Variants in SHTN1 observed in about 807,000 individuals in gnomAD.
SHTN1 encodes shootin-1.
In SHTN1, 42 loss-of-function variants were observed where a neutral mutation model predicts 83.1. The ratio of observed to expected loss-of-function variants is 0.51; its 90% CI spans 0.39 to 0.65. The LOEUF (loss-of-function observed/expected upper bound fraction) is 0.65. SHTN1 is among the 30% of genes least tolerant of loss of function. The pLI is 0.00. For missense variants in SHTN1, 622 were observed against 737.8 expected, an observed-to-expected ratio of 0.84 and a Z score of 1.82; for synonymous variants, 224 against 247.7, an observed-to-expected ratio of 0.90 and a Z score of 0.90.
intron 1 of SHTN1, among the ~76,000 whole-genome samples, chr10:116,979,953 AC>A (rs1367512588): frequency 6.6e-6 from 1 of 152,166 alleles, no homozygotes; most frequent in Non-Finnish European, 1.5e-5. Flanking sequence ...GTCAGTCACG[AC>A]CAGAAATTCA....
intron 1 of SHTN1, among the ~76,000 whole-genome samples, chr10:117,000,777 A>C (rs1272236920): frequency 6.6e-6 from 1 of 152,174 alleles, no homozygotes; most frequent in Non-Finnish European, 1.5e-5. Context: ...TCCCGTGGCC[A>C]AAGTATTTGA....
intron 12 of SHTN1, 71 bp downstream of exon 12, chr10:116,921,363 C>T: frequency 9.1e-7 from 1 of 1,098,674 alleles, no homozygotes; most frequent in South Asian, 1.4e-5. Context: ...AGTCAAAGAA[C>T]TTAACAAATA....
At chr10:116,918,311 A>G (rs1401871342) in intron 12 of SHTN1, among the ~76,000 whole-genome samples, 3 of 151,754 alleles carry the variant, frequency 2.0e-5, no homozygotes, top group Non-Finnish European at 4.4e-5. Context: ...CACTTGAAAA[A>G]TAAGTTAGTT....
intron 14 of SHTN1, among the ~76,000 whole-genome samples, chr10:116,911,063 C>T (rs1350215369): frequency 1.3e-5 from 2 of 152,200 alleles, no homozygotes; most frequent in Non-Finnish European, 2.9e-5. Flanking sequence ...TGTTGACTTA[C>T]TGTGCATAAT....
chr10:117,100,468 G>T (rs541716174), intron 1 of SHTN1, among the ~76,000 whole-genome samples: 1 of 152,090 alleles, frequency 6.6e-6, no homozygotes. Context: ...ATGTTTTCTT[G>T]CCATTCCTTT....
At chr10:116,959,235 G>T (rs528555162) in intron 4 of SHTN1, among the ~76,000 whole-genome samples, 24 of 152,282 alleles carry the variant, frequency 1.6e-4, no homozygotes, top group Non-Finnish European at 2.9e-4. Context: ...AATAACAGGA[G>T]AGAAGTTACA....
At position 117,047,345 on chromosome 10, in the gene SHTN1, G is replaced by A. The variant is rs189779737; in HGVS notation, c.-123+1100C>T. On this transcript the variant is annotated intron_variant, in intron 2 of 17. Coordinates refer to the SHTN1 transcript ENST00000392901. ...CTCCCAAAGTGCTGGGATTACAGGC[G>A]TGAGCCACCATGCCCAGCCCTCAAA... Among the ~76,000 whole-genome samples the A allele has an allele frequency of 4.1e-4, 63 of 151,964 alleles. No individual in the cohort carries two copies. The Middle Eastern group carries it at 0.014, about 33-fold the overall frequency.
In SHTN1 at chr10:117,101,623, A is replaced by T. The variant is rs181350680; in HGVS notation, c.-189+24684T>A. Among the ~76,000 whole-genome samples, 9 of 152,338 alleles carry T rather than the reference A, an allele frequency of 5.9e-5. No homozygotes were observed. In the East Asian group the frequency reaches 1.7e-3, roughly 29 times the overall value. ...GAGGACAGAACAGGGGTCAGTGGGT[A>T]AAAGTGTGGAACAAGGTCCAAGGGG... On this transcript the variant is annotated intron_variant, in intron 1 of 17. Coordinates refer to the SHTN1 transcript ENST00000392901.
At chr10:117,034,572 T>C (rs1458262658) in intron 2 of SHTN1, among the ~76,000 whole-genome samples, 2 of 151,400 alleles carry the variant, frequency 1.3e-5, no homozygotes, top group Non-Finnish European at 2.9e-5. Context: ...ACCTGGGAGG[T>C]GGAGGTTGCA....
chr10:116,953,910 T>C, intron 5 of SHTN1, 132 bp downstream of exon 5: 1 of 727,226 alleles, frequency 1.4e-6, no homozygotes, highest in Non-Finnish European at 2.1e-6. Flanking sequence ...ATTACAGGCG[T>C]GAGCCACCAC....
Position 116,881,823 on chromosome 10 carries a change from T to C in SHTN1, c.*4521A>G, listed in dbSNP as rs1650987533. 5.4e-6 allele frequency: 3 copies of C among 555,618 alleles called. No individual in the cohort carries two copies. Among genetic ancestry groups the C allele is most frequent in the Non-Finnish European group, 8.4e-6 (3 of 355,250 alleles). 34.4% of individuals were successfully genotyped at this position (555,618 alleles called of 1,614,324 possible). On this transcript the variant is annotated 3_prime_UTR_variant, in exon 17 of 17. Coordinates refer to ENST00000355371, the MANE Select transcript of SHTN1 (RefSeq NM_001127211.3). ...TAATTCCACTGTTTGGTAAATTACATATATGATGTTTTTGCCTGAAATTCT... is the reference window on the plus strand; with the variant it reads ...TAATTCCACTGTTTGGTAAATTACACATATGATGTTTTTGCCTGAAATTCT...
chr10:117,051,315 T>G (rs540152821), intron 1 of SHTN1, among the ~76,000 whole-genome samples: 1 of 152,140 alleles, frequency 6.6e-6, no homozygotes, highest in Non-Finnish European at 1.5e-5. Flanking sequence ...AATGACTTCA[T>G]TGGTGAATTC....
intron 7 of SHTN1, among the ~76,000 whole-genome samples, chr10:116,947,299 G>C (rs1358769727): frequency 2.0e-5 from 3 of 152,122 alleles, no homozygotes; most frequent in Non-Finnish European, 2.9e-5. Flanking sequence ...TCCACTTCTG[G>C]TGAGTCACCT....
chr10:116,901,360 T>C, intron 16 of SHTN1: 1 of 985,150 alleles, frequency 1.0e-6, no homozygotes, highest in Non-Finnish European at 1.2e-6. Context: ...GAAAAGAAGG[T>C]TGTAAAAACG....
intron 14 of SHTN1, 166 bp downstream of exon 14, chr10:116,911,624 T>C (rs1848200995): frequency 1.9e-6 from 3 of 1,554,248 alleles, no homozygotes; most frequent in African/African-American, 1.4e-5. Flanking sequence ...ATTATTAACA[T>C]ATGTGATGGA....
chr10:116,955,542 ACTAGAATAAGATATTTAG>A (rs1335753493), intron 4 of SHTN1, among the ~76,000 whole-genome samples: 1 of 152,168 alleles, frequency 6.6e-6, no homozygotes, highest in Admixed American at 6.5e-5. Context: ...TAAACCTGAC[ACTAGAATAAGATATTTAG>A]CATAGCACTG....
intron 2 of SHTN1, among the ~76,000 whole-genome samples, chr10:117,029,640 G>C (rs894066997): frequency 6.6e-6 from 1 of 152,090 alleles, no homozygotes; most frequent in Non-Finnish European, 1.5e-5. Context: ...GTGAGTGCTC[G>C]TGAGCTCTGG....
chr10:117,015,036 G>A (rs1206679931), intron 2 of SHTN1, among the ~76,000 whole-genome samples: 1 of 152,088 alleles, frequency 6.6e-6, no homozygotes, highest in Admixed American at 6.6e-5. Flanking sequence ...TTTTGTGGTT[G>A]GATTCAAACA....
At chr10:117,098,174 G>A (rs1211499475) in intron 1 of SHTN1, among the ~76,000 whole-genome samples, 1 of 149,490 alleles carries the variant, frequency 6.7e-6, no homozygotes, top group Non-Finnish European at 1.5e-5. Context: ...GGATCACGAG[G>A]TCAAGAGATC....
Sources: allele counts gnomAD v4.1 joint callset (sites outside exome capture counted in the v4.1 genomes callset), GRCh38; gene constraint gnomAD v4.1.1; transcripts MANE v1.5; gene names NCBI Gene and HGNC (gene_info 2026-07-23, HGNC 2026-07-21).